NUTM1: variants seen among roughly 807,000 people sequenced by gnomAD.
NUTM1 encodes the protein NUT family member 1.
A neutral mutation model predicts 88.7 loss-of-function variants in NUTM1; 39 were observed. The observed-to-expected ratio is 0.44, with a 90% CI of 0.34 to 0.57. The LOEUF (loss-of-function observed/expected upper bound fraction) is 0.57, where lower values mean the gene tolerates loss of function less well. Ranked by LOEUF, NUTM1 falls within the 20% of genes least tolerant of loss-of-function variation. The pLI, the probability that NUTM1 is intolerant of heterozygous loss-of-function variation, is 0.01. For missense variants in NUTM1, 1,350 were observed against 1,414.5 expected, an observed-to-expected ratio of 0.95 and a Z score of 0.73; for synonymous variants, 494 against 538.0, an observed-to-expected ratio of 0.92 and a Z score of 1.13.
chr15:34,355,111 C>T lies in NUTM1; in HGVS notation c.1453C>T (p.Gln485Ter). 6.2e-7 allele frequency: 1 copy of T among 1,611,998 alleles called. No individual in the cohort carries two copies. Among genetic ancestry groups the T allele is most frequent in the Non-Finnish European group, 8.5e-7 (1 of 1,178,086 alleles). ...CTTGGCCTTAATTGAGGAGCTAGAG[C>T]AAGAAGAAGGACTCACTCTTGCCCA... ...DPLALIEELE[Q>*]EEGLTLAQLV... The change falls in exon 7 of 8, where the codon CAA becomes TAA. Residue 485 changes from glutamine (Q) to a stop codon, truncating the protein, a stop_gained. Coordinates refer to ENST00000537011, the MANE Select transcript of NUTM1 (RefSeq NM_001284292.2). LOFTEE classifies it high-confidence loss of function. This position sits in a 1 kb window ranked among gnomAD's most constrained non-coding sequence, Gnocchi z 4.3.
intron 3 of NUTM1, among the ~76,000 whole-genome samples, chr15:34,349,825 C>T (rs1566888787): frequency 6.6e-6 from 1 of 152,218 alleles, no homozygotes; most frequent in Non-Finnish European, 1.5e-5. Context: ...GATCTGAGTT[C>T]GCTCTTGGAG....
chr15:34,349,232 G>C (rs754466043), intron 3 of NUTM1, among the ~76,000 whole-genome samples: 1 of 152,172 alleles, frequency 6.6e-6, no homozygotes, highest in African/African-American at 2.4e-5. Context: ...TTGCTTAGTG[G>C]TCAAGGGCAT....
chr15:34,347,734 T>G (rs991800368), intron 2 of NUTM1, among the ~76,000 whole-genome samples: 1 of 152,006 alleles, frequency 6.6e-6, no homozygotes, highest in Non-Finnish European at 1.5e-5. Context: ...GCGTCTGTAG[T>G]CCCAGCTACA....
In NUTM1 at chr15:34,346,045, C is replaced by T. The variant is rs780325233; in HGVS notation, c.100+10C>T. The T allele has an allele frequency of 2.5e-6, 4 of 1,613,760 alleles. No homozygotes were observed. Among genetic ancestry groups the T allele is most frequent in the Non-Finnish European group, 3.4e-6 (4 of 1,179,690 alleles). On this transcript the variant is annotated intron_variant, in intron 2 of 7. Transcript: ENST00000537011. ...ATGGCTTCAGATGGAGGTAAGTCTG[C>T]AGGTGGTGAGGAGGATTTCTGGTAC...
At chr15:34,347,534 A>C (rs891004167) in intron 2 of NUTM1, among the ~76,000 whole-genome samples, 6 of 152,068 alleles carry the variant, frequency 3.9e-5, no homozygotes, top group African/African-American at 1.2e-4. Context: ...CTGGGATTAC[A>C]GATATGAACC....
intron 2 of NUTM1, 61 bp from the exon 3 acceptor site, chr15:34,347,908 G>A (rs891351789): frequency 3.3e-6 from 3 of 905,536 alleles, no homozygotes; most frequent in East Asian, 2.7e-5. Flanking sequence ...GGGGAATTCA[G>A]ATGGCTAACT....
chr15:34,347,045 A>T (rs1890605779), intron 2 of NUTM1, among the ~76,000 whole-genome samples: 1 of 152,084 alleles, frequency 6.6e-6, no homozygotes, highest in Non-Finnish European at 1.5e-5. Context: ...CTTGGGGGAC[A>T]TTTGCAAACT....
chr15:34,354,628 C>G lies in NUTM1; in HGVS notation c.1258C>G (p.Gln420Glu), dbSNP rs1890768453. The G allele has an allele frequency of 1.2e-6, 2 of 1,613,976 alleles. No homozygotes were observed. Among genetic ancestry groups the G allele is most frequent in the African/African-American group, 2.7e-5 (2 of 74,890 alleles). ...GGCCACTGGGGAGTCAGATGGAAAACAAGAGGAAGAAGGGCAGCAGCAGGA... is the reference window on the plus strand; with the variant it reads ...GGCCACTGGGGAGTCAGATGGAAAAGAAGAGGAAGAAGGGCAGCAGCAGGA... ...HLATGESDGK[Q>E]EEEGQQQEEE... The change falls in exon 6 of 8, where the codon CAA (glutamine) becomes GAA (glutamate). Residue 420 changes from glutamine to glutamate, a missense_variant. Coordinates refer to ENST00000537011, the MANE Select transcript of NUTM1 (RefSeq NM_001284292.2).
In NUTM1 at chr15:34,356,133, T is replaced by A; in HGVS notation, c.2125T>A (p.Trp709Arg). 2 of 1,612,990 alleles carry A rather than the reference T, an allele frequency of 1.2e-6. No homozygotes were observed. Among genetic ancestry groups the A allele is most frequent in the Non-Finnish European group, 1.7e-6 (2 of 1,179,138 alleles). The change falls in exon 8 of 8, where the codon TGG becomes AGG. Residue 709 changes from tryptophan to arginine, a missense_variant. Physicochemically the swap from Trp to Arg is moderately radical, Grantham distance 101. This residue lies in a region of NUTM1 where 730 missense variants were observed against 728.8 expected (regional missense o/e 1.00). Transcript: ENST00000537011. ...PQGKEPLAVPWEGSSGAMWGD... is the reference protein window; with the variant it reads ...PQGKEPLAVPREGSSGAMWGD... ...AGGGAAGGAGCCTTTAGCAGTGCCC[T>A]GGGAAGGCTCTTCAGGAGCCATGTG... is the stretch of plus-strand genomic sequence containing the variant.
At chr15:34,349,490 TAAGA>T (rs1295738131) in intron 3 of NUTM1, among the ~76,000 whole-genome samples, 9 of 152,174 alleles carry the variant, frequency 5.9e-5, no homozygotes, top group Non-Finnish European at 1.2e-4. Flanking sequence ...CGTCCTTGCT[TAAGA>T]GCGAGTGTGT....
At chr15:34,350,905 T>C in intron 4 of NUTM1, 73 bp downstream of exon 4, 1 of 1,557,348 alleles carries the variant, frequency 6.4e-7, no homozygotes, top group Non-Finnish European at 8.8e-7. Flanking sequence ...CAGAGAGACT[T>C]GTGTGGGGGT....
intron 5 of NUTM1, 97 bp downstream of exon 5, chr15:34,353,969 C>G (rs531726701): frequency 7.4e-7 from 1 of 1,349,696 alleles, no homozygotes; most frequent in Non-Finnish European, 1.0e-6. Context: ...AGCCCAGGCT[C>G]TGCCACTTTC....
At chr15:34,354,769 C>T in intron 6 of NUTM1, 37 bp downstream of exon 6, 1 of 1,606,360 alleles carries the variant, frequency 6.2e-7, no homozygotes, top group Non-Finnish European at 8.5e-7. Context: ...CTAGCAGATC[C>T]TTGGGGTGGG....
chr15:34,355,721 C>T lies in NUTM1; in HGVS notation c.1713C>T (p.Ala571=), dbSNP rs776588383. Residue 571 remains alanine (A), a synonymous_variant, in exon 8 of 8, where the codon GCC becomes GCT. Transcript: ENST00000537011. This position sits in a 1 kb window ranked among gnomAD's most constrained non-coding sequence, Gnocchi z 4.3. The stretch of plus-strand genomic sequence containing the variant: ...AAGTGCATGGTGGGCAGGAGCAAGC[C>T]CTAGATAGCCCCAGAGGGATGCACA... The part of the protein sequence containing the change: ...AREVHGGQEQ[A]LDSPRGMHRD... The T allele has an allele frequency of 5.0e-6, 8 of 1,612,946 alleles. No homozygotes were observed. In the African/African-American group the frequency reaches 5.3e-5, roughly 11 times the overall value.
At chr15:34,349,305 T>C (rs778597608) in intron 3 of NUTM1, among the ~76,000 whole-genome samples, 6 of 152,240 alleles carry the variant, frequency 3.9e-5, no homozygotes, top group Admixed American at 1.3e-4. Context: ...GCCCTCAGTT[T>C]TCTCAGTTAA....
Position 34,355,166 on chromosome 15 carries a change from A to T in NUTM1, c.1479+29A>T. ...AAACTGGGGTATAGGAAATATGAGA[A>T]CGAGAAGCTTGCAAGATTTTATCTA... On this transcript the variant is annotated intron_variant, in intron 7 of 7. Coordinates refer to ENST00000537011, the MANE Select transcript of NUTM1 (RefSeq NM_001284292.2). This position sits in a 1 kb window ranked among gnomAD's most constrained non-coding sequence, Gnocchi z 4.3. 7.1e-7 allele frequency: 1 copy of T among 1,404,216 alleles called. No individual in the cohort carries two copies. The highest frequency in any genetic ancestry group is 1.2e-5 in the South Asian group (1 of 86,652). 87.0% of individuals were successfully genotyped at this position (1,404,216 alleles called of 1,614,324 possible).
In NUTM1 at chr15:34,348,335, G is replaced by T. The variant is rs1890643341; in HGVS notation, c.467G>T (p.Gly156Val). ...APGTPCGGLE[G>V]PAPPFVTASN... is the part of the protein sequence containing the mutation. ...GGCACTCCCTGTGGAGGCCTTGAGG[G>T]TCCTGCACCTCCATTTGTGACAGCA... Residue 156 changes from glycine (G) to valine (V), a missense_variant, in exon 3 of 8, where the codon GGT becomes GTT. Around this residue, in one of 5 missense-constraint regions of NUTM1, gnomAD observed 399 missense variants for 397.9 expected, o/e 1.00. Transcript: ENST00000537011. The T allele has an allele frequency of 3.1e-6, 5 of 1,614,248 alleles. No homozygotes were observed.
intron 2 of NUTM1, 85 bp from the exon 3 acceptor site, chr15:34,347,877 TAAAAATA>T (rs2140153043): frequency 1.6e-6 from 1 of 627,136 alleles, no homozygotes; most frequent in South Asian, 3.5e-5. Context: ...AAAATAAAAA[TAAAAATA>T]AAAATAAAAA....
rs1318529762 is a variant in NUTM1 at position 34,357,522 on chromosome 15, C to G, written c.*31C>G. 1.9e-6 allele frequency: 3 copies of G among 1,612,352 alleles called. No individual in the cohort carries two copies. In the East Asian group the frequency reaches 6.7e-5, roughly 36 times the overall value. On this transcript the variant is annotated 3_prime_UTR_variant, in exon 8 of 8. Coordinates refer to ENST00000537011, the MANE Select transcript of NUTM1 (RefSeq NM_001284292.2). Reference sequence around the variant, plus strand: ...AGCGGGACCATCTGACCCCACTTGCCAGTCCCTAAAGGTGGGTGCCCCAGA... The same window carrying G: ...AGCGGGACCATCTGACCCCACTTGCGAGTCCCTAAAGGTGGGTGCCCCAGA...
Sources: gnomAD v4.1 joint callset for allele counts (sites outside exome capture counted in the v4.1 genomes callset) on GRCh38, gnomAD v4.1.1 for gene constraint, gnomAD v4.1.1 regional missense constraint, Gnocchi (gnomAD v3.1) non-coding constraint, MANE v1.5 for transcripts, NCBI Gene and HGNC (gene_info 2026-07-23, HGNC 2026-07-21) for gene names.